PCDH15: variants seen among roughly 807,000 people sequenced by gnomAD.
PCDH15 encodes protocadherin related 15.
Under a neutral mutation model 178.5 loss-of-function variants are expected in PCDH15, and 129 were observed. That is an observed-to-expected ratio of 0.72 (90% confidence interval 0.63 to 0.84). The LOEUF (loss-of-function observed/expected upper bound fraction) is 0.84, where lower values mean the gene tolerates loss of function less well. Among genes scored for constraint, PCDH15 ranks in the 40% least tolerant of loss-of-function variants. The pLI is 0.00. For synonymous variants in PCDH15, 800 were observed against 732.0 expected (o/e 1.09, Z -1.50); for missense variants, 2,230 against 2,099.9 (o/e 1.06, Z -1.21).
At chr10:55,463,875 G>C (rs541291412) in intron 2 of PCDH15, among the ~76,000 whole-genome samples, 2 of 102,568 alleles carry the variant, frequency 1.9e-5, no homozygotes, top group African/African-American at 3.6e-5. Context: ...GAAAGAAAGA[G>C]AGAGAGAAAG....
At chr10:54,538,702 C>A (rs187870814) in intron 2 of PCDH15, among the ~76,000 whole-genome samples, 1 of 152,244 alleles carries the variant, frequency 6.6e-6, no homozygotes, top group African/African-American at 2.4e-5. Context: ...TGAGTGAATT[C>A]ACACAAGATC....
intron 2 of PCDH15, among the ~76,000 whole-genome samples, chr10:55,348,410 C>T (rs1844819896): frequency 6.8e-6 from 1 of 147,192 alleles, no homozygotes; most frequent in South Asian, 2.1e-4. Flanking sequence ...TTCATTCCAA[C>T]AATAATAACA....
chr10:55,275,504 A>G (rs1360038592), intron 1 of PCDH15, among the ~76,000 whole-genome samples: 1 of 151,386 alleles, frequency 6.6e-6, no homozygotes, highest in Non-Finnish European at 1.5e-5. Context: ...CATAAAAATG[A>G]TTTTTTTTCA....
chr10:54,425,828 C>CT (rs936884218), intron 3 of PCDH15, among the ~76,000 whole-genome samples: 2 of 151,880 alleles, frequency 1.3e-5, no homozygotes, highest in African/African-American at 4.8e-5. Context: ...ATACATGAGG[C>CT]TTTTTTTCAA....
At chr10:54,918,369 T>C (rs17512098) in intron 2 of PCDH15, among the ~76,000 whole-genome samples, 9,759 of 152,198 alleles carry the variant, frequency 0.064, 481 homozygotes, top group Non-Finnish European at 0.1. Flanking sequence ...TGTTTTTTGG[T>C]TTCTTAAAAA....
intron 1 of PCDH15, among the ~76,000 whole-genome samples, chr10:54,745,564 CAGTT>C (rs1945351518): frequency 6.6e-6 from 1 of 152,178 alleles, no homozygotes; most frequent in African/African-American, 2.4e-5. Context: ...AACTTGAAAT[CAGTT>C]AGACTGGTAA....
chr10:55,563,849 A>G (rs1842248814), intron 2 of PCDH15, among the ~76,000 whole-genome samples: 1 of 151,924 alleles, frequency 6.6e-6, no homozygotes, highest in Admixed American at 6.6e-5. Context: ...TCCATAACCT[A>G]TCCCCCAGAG....
chr10:55,394,666 A>C (rs1371291841), intron 2 of PCDH15, among the ~76,000 whole-genome samples: 1 of 151,942 alleles, frequency 6.6e-6, no homozygotes, highest in Non-Finnish European at 1.5e-5. Context: ...AACTTGTAAA[A>C]CATCTTCCAG....
intron 3 of PCDH15, among the ~76,000 whole-genome samples, chr10:54,882,331 G>C (rs1003435130): frequency 6.6e-6 from 1 of 151,940 alleles, no homozygotes; most frequent in Non-Finnish European, 1.5e-5. Flanking sequence ...AATATTAAAG[G>C]AGCCACTTTT....
intron 2 of PCDH15, among the ~76,000 whole-genome samples, chr10:55,158,887 AG>A (rs1280437424): frequency 1.7e-3 from 19 of 11,170 alleles, no homozygotes; most frequent in African/African-American, 2.0e-3. Context: ...GAGGGAGAAG[AG>A]AGAGAGAGAG....
chr10:54,309,305 A>G (rs2060747830), intron 8 of PCDH15, among the ~76,000 whole-genome samples: 3 of 133,920 alleles, frequency 2.2e-5, no homozygotes, highest in Non-Finnish European at 4.7e-5. Context: ...ACACACAAAC[A>G]TATATATACG....
intron 1 of PCDH15, among the ~76,000 whole-genome samples, chr10:55,267,583 G>A (rs79449744): frequency 0.022 from 3,406 of 152,216 alleles, 125 homozygotes; most frequent in African/African-American, 0.077. Context: ...GGTGGGAGAG[G>A]AAAAGTTGTC....
chr10:55,059,940 C>A (rs1841389595), intron 2 of PCDH15, among the ~76,000 whole-genome samples: 1 of 151,352 alleles, frequency 6.6e-6, no homozygotes, highest in Non-Finnish European at 1.5e-5. Context: ...GGCTAAATAT[C>A]CACTTGGTAA....
At chr10:54,813,254 A>G (rs12770137) in intron 3 of PCDH15, among the ~76,000 whole-genome samples, 11,398 of 152,142 alleles carry the variant, frequency 0.075, 514 homozygotes, top group Non-Finnish European at 0.1. Context: ...CTAGACTTTT[A>G]TGCACTCAGA....
intron 8 of PCDH15, among the ~76,000 whole-genome samples, chr10:54,242,128 TTTTATATATATATATATATA>T (rs1313380238): frequency 0.032 from 1,992 of 61,978 alleles, 116 homozygotes; most frequent in Admixed American, 0.07. Flanking sequence ...TGAATTCTAT[TTTTATATATATATATATATA>T]TATATATATA....
intron 2 of PCDH15, among the ~76,000 whole-genome samples, chr10:55,534,273 A>G (rs1251148519): frequency 6.6e-6 from 1 of 152,102 alleles, no homozygotes; most frequent in East Asian, 1.9e-4. Flanking sequence ...ACTATCATAG[A>G]GTAAACAGAC....
At chr10:54,274,043 C>T (rs748775592) in intron 8 of PCDH15, among the ~76,000 whole-genome samples, 46 of 151,916 alleles carry the variant, frequency 3.0e-4, no homozygotes, top group Admixed American at 2.0e-3. Flanking sequence ...GAAAAGAAGA[C>T]CAAACACTGC....
At chr10:54,108,947 G>A (rs1161779026) in intron 15 of PCDH15, among the ~76,000 whole-genome samples, 2 of 152,030 alleles carry the variant, frequency 1.3e-5, no homozygotes, top group Admixed American at 1.3e-4. Context: ...CCCATCAACT[G>A]ACGCAACAAA....
intron 28 of PCDH15, among the ~76,000 whole-genome samples, chr10:53,854,799 T>G (rs2132993689): frequency 6.6e-6 from 1 of 152,226 alleles, no homozygotes; most frequent in Admixed American, 6.6e-5. Flanking sequence ...AAAATAATTC[T>G]ATATGTTTTA....
Sources: gnomAD v4.1 joint callset for allele counts (sites outside exome capture counted in the v4.1 genomes callset) on GRCh38, gnomAD v4.1.1 for gene constraint, MANE v1.5 for transcripts, NCBI Gene and HGNC (gene_info 2026-07-23, HGNC 2026-07-21) for gene names.